The following CNTN5 variants were observed in gnomAD, a reference collection of about 807,000 sequenced individuals.
CNTN5 encodes contactin-5.
CNTN5 carries 77 observed loss-of-function variants against 129.1 expected under a neutral mutation model. The ratio of observed to expected loss-of-function variants is 0.60; its 90% CI spans 0.50 to 0.72. The LOEUF is 0.72. Among genes scored for constraint, CNTN5 ranks in the 30% least tolerant of loss-of-function variants. CNTN5 has a pLI of 0.00. For missense variants in CNTN5, 1,478 were observed against 1,328.8 expected, an observed-to-expected ratio of 1.11 and a Z score of -1.75; for synonymous variants, 509 against 465.6, an observed-to-expected ratio of 1.09 and a Z score of -1.20.
At chr11:100,298,232 A>G (rs1438409099) in intron 19 of CNTN5, among the ~76,000 whole-genome samples, 1 of 151,508 alleles carries the variant, frequency 6.6e-6, no homozygotes, top group Non-Finnish European at 1.5e-5. Context: ...ACAATGAGAA[A>G]GTATACAGAG....
chr11:99,462,895 A>C (rs1201335265), intron 2 of CNTN5, among the ~76,000 whole-genome samples: 1 of 151,916 alleles, frequency 6.6e-6, no homozygotes, highest in African/African-American at 2.4e-5. Context: ...GACCAGCCGG[A>C]TAAACACGGT....
At chr11:99,722,489 G>A (rs935700096) in intron 3 of CNTN5, among the ~76,000 whole-genome samples, 9 of 152,060 alleles carry the variant, frequency 5.9e-5, no homozygotes, top group African/African-American at 2.2e-4. Context: ...TGGGGAGGGT[G>A]AAAGGAGGGA....
At position 99,541,573 on chromosome 11, in the gene CNTN5, C is replaced by A. The variant is rs115459852; in HGVS notation, c.-70-14572C>A. On this transcript the variant is annotated intron_variant, in intron 2 of 24. Coordinates refer to ENST00000524871, the MANE Select transcript of CNTN5 (RefSeq NM_014361.4). Reference sequence around the variant, plus strand: ...GACACCTGTGAAAAGGAGGAAGATACAAGATTGCTCAGGGAAATCCTCAAA... The same window carrying A: ...GACACCTGTGAAAAGGAGGAAGATAAAAGATTGCTCAGGGAAATCCTCAAA... Among the ~76,000 whole-genome samples, 950 of 152,168 alleles carry A rather than the reference C, an allele frequency of 6.2e-3. 10 individuals carry two copies. Among genetic ancestry groups the A allele is most frequent in the African/African-American group, 0.021 (892 of 41,520 alleles).
intron 13 of CNTN5, among the ~76,000 whole-genome samples, chr11:100,154,827 A>T (rs2138327907): frequency 6.6e-6 from 1 of 152,280 alleles, no homozygotes; most frequent in East Asian, 1.9e-4. Context: ...TCATCTTTTT[A>T]GAAATGTCTT....
intron 6 of CNTN5, among the ~76,000 whole-genome samples, chr11:99,876,487 G>T (rs574151288): frequency 5.5e-4 from 84 of 152,184 alleles, no homozygotes; most frequent in African/African-American, 1.8e-3. Flanking sequence ...TCATGATCCA[G>T]CCGCACTATA....
At chr11:99,455,635 C>T (rs775568090) in intron 2 of CNTN5, among the ~76,000 whole-genome samples, 1 of 152,056 alleles carries the variant, frequency 6.6e-6, no homozygotes, top group Non-Finnish European at 1.5e-5. Flanking sequence ...ACTGAAGTCA[C>T]TTTAATCTTC....
intron 1 of CNTN5, among the ~76,000 whole-genome samples, chr11:99,211,533 T>A (rs980115656): frequency 1.3e-5 from 2 of 149,274 alleles, no homozygotes; most frequent in Non-Finnish European, 1.5e-5. Flanking sequence ...TTCTAAAAAT[T>A]TTTTCTCCTC....
chr11:100,073,466 T>C (rs1036212335), intron 12 of CNTN5, among the ~76,000 whole-genome samples: 1 of 151,562 alleles, frequency 6.6e-6, no homozygotes, highest in African/African-American at 2.4e-5. Context: ...ATGAAATACA[T>C]ATAATATCAG....
At chr11:100,035,915 T>G (rs1188777299) in intron 9 of CNTN5, among the ~76,000 whole-genome samples, 44 of 152,208 alleles carry the variant, frequency 2.9e-4, no homozygotes, top group East Asian at 7.7e-4. Flanking sequence ...CATTCTGTAG[T>G]TTGCCTGTTC....
intron 13 of CNTN5, among the ~76,000 whole-genome samples, chr11:100,121,915 G>A (rs1482504734): frequency 1.3e-5 from 2 of 151,966 alleles, no homozygotes; most frequent in African/African-American, 4.8e-5. Flanking sequence ...CAGGGAAGGG[G>A]TTTTAGGGTT....
chr11:100,195,589 A>ACTCTGAGAT (rs147328217), intron 15 of CNTN5, among the ~76,000 whole-genome samples: 10,096 of 151,910 alleles, frequency 0.066, 497 homozygotes, highest in East Asian at 0.31. Context: ...GTAACAATAA[A>ACTCTGAGAT]CTCTGAGATA....
intron 13 of CNTN5, among the ~76,000 whole-genome samples, chr11:100,166,046 G>A (rs957871323): frequency 2.0e-5 from 3 of 151,692 alleles, no homozygotes; most frequent in South Asian, 2.1e-4. Flanking sequence ...TAAATGATTG[G>A]TGTTGGCTGC....
intron 13 of CNTN5, among the ~76,000 whole-genome samples, chr11:100,098,095 G>A (rs77663575): frequency 0.042 from 6,450 of 151,968 alleles, 337 homozygotes; most frequent in African/African-American, 0.12. Flanking sequence ...GCATGCAAAC[G>A]TTCTTTCTGG....
At chr11:99,177,011 A>G (rs1565379255) in intron 1 of CNTN5, among the ~76,000 whole-genome samples, 1 of 152,006 alleles carries the variant, frequency 6.6e-6, no homozygotes, top group East Asian at 1.9e-4. Flanking sequence ...TGACCTTCCC[A>G]CTGTAAATCA....
At chr11:99,211,261 A>G (rs1859766454) in intron 1 of CNTN5, among the ~76,000 whole-genome samples, 1 of 152,108 alleles carries the variant, frequency 6.6e-6, no homozygotes, top group Admixed American at 6.6e-5. Flanking sequence ...TTGGTGAAAC[A>G]TATTCTTTGT....
chr11:99,349,700 T>A (rs981073850), intron 2 of CNTN5, among the ~76,000 whole-genome samples: 9 of 151,948 alleles, frequency 5.9e-5, no homozygotes, highest in African/African-American at 2.2e-4. Context: ...TTAAAGGGAG[T>A]TAAATAAAAT....
intron 3 of CNTN5, among the ~76,000 whole-genome samples, chr11:99,744,679 C>A (rs1357694266): frequency 6.9e-6 from 1 of 145,192 alleles, no homozygotes. Flanking sequence ...GTGATTGTGC[C>A]ACTGCACTAC....
At chr11:99,695,299 C>G (rs1223275176) in intron 3 of CNTN5, among the ~76,000 whole-genome samples, 5 of 151,888 alleles carry the variant, frequency 3.3e-5, no homozygotes, top group Admixed American at 2.0e-4. Flanking sequence ...TACAGGGAAT[C>G]TAGGACAGCA....
At chr11:99,131,140 C>T (rs1858912754) in intron 1 of CNTN5, among the ~76,000 whole-genome samples, 2 of 105,494 alleles carry the variant, frequency 1.9e-5, no homozygotes, top group African/African-American at 7.4e-5. Context: ...CCCAGCTACT[C>T]AGGAGGCTGA....
Sources: gnomAD v4.1 joint callset for allele counts (sites outside exome capture counted in the v4.1 genomes callset) on GRCh38, gnomAD v4.1.1 for gene constraint, MANE v1.5 for transcripts, NCBI Gene and HGNC (gene_info 2026-07-23, HGNC 2026-07-21) for gene names.